The following PTPRQ variants were observed in gnomAD, a reference collection of about 807,000 sequenced individuals.
The protein encoded by PTPRQ is phosphatidylinositol phosphatase PTPRQ.
In PTPRQ, 199 loss-of-function variants were observed where a neutral mutation model predicts 246.0. The ratio of observed to expected loss-of-function variants is 0.81; its 90% CI spans 0.72 to 0.91. The LOEUF (loss-of-function observed/expected upper bound fraction) is 0.91. Among genes scored for constraint, PTPRQ ranks in the 40% least tolerant of loss-of-function variants. The probability of loss-of-function intolerance (pLI) is 0.00; values close to 1 mark genes in which losing one functional copy is unlikely to be tolerated. For synonymous variants in PTPRQ, 869 were observed against 853.2 expected (o/e 1.02, Z -0.32); for missense variants, 2,624 against 2,528.4 (o/e 1.04, Z -0.81).
chr12:80,522,899 T>C (rs1292805561), intron 17 of PTPRQ, among the ~76,000 whole-genome samples: 8 of 152,118 alleles, frequency 5.3e-5, no homozygotes, highest in Admixed American at 3.9e-4. Context: ...GGGAGGATTC[T>C]CTCTTTTTCT....
chr12:80,488,049 G>C (rs1287748634), intron 9 of PTPRQ, among the ~76,000 whole-genome samples: 1 of 151,210 alleles, frequency 6.6e-6, no homozygotes, highest in Non-Finnish European at 1.5e-5. Context: ...GAGGGCCCTG[G>C]ATTCTTGCTG....
intron 17 of PTPRQ, among the ~76,000 whole-genome samples, chr12:80,514,465 T>G (rs1018576128): frequency 6.8e-6 from 1 of 148,142 alleles, no homozygotes; most frequent in Non-Finnish European, 1.5e-5. Flanking sequence ...AAAGAGACTA[T>G]TACCTGGCAC....
intron 17 of PTPRQ, among the ~76,000 whole-genome samples, chr12:80,525,191 G>A (rs147225239): frequency 6.6e-6 from 1 of 152,268 alleles, no homozygotes; most frequent in African/African-American, 2.4e-5. Flanking sequence ...AAGTGATGAA[G>A]ATGGTGGAAA....
intron 39 of PTPRQ, among the ~76,000 whole-genome samples, chr12:80,661,356 G>T (rs563992446): frequency 1.2e-4 from 18 of 148,818 alleles, no homozygotes; most frequent in African/African-American, 3.7e-4. Flanking sequence ...TATGTATCTA[G>T]ATATGTATAT....
At chr12:80,584,963 T>C (rs1565801663) in intron 25 of PTPRQ, among the ~76,000 whole-genome samples, 1 of 151,676 alleles carries the variant, frequency 6.6e-6, no homozygotes, top group Non-Finnish European at 1.5e-5. Flanking sequence ...GTGTTGTAAA[T>C]AGTGTGCCAG....
intron 35 of PTPRQ, among the ~76,000 whole-genome samples, chr12:80,641,042 C>T (rs1396945627): frequency 2.0e-5 from 3 of 152,142 alleles, no homozygotes; most frequent in Admixed American, 6.5e-5. Context: ...GATGGTTAAC[C>T]TGTAAGGACC....
chr12:80,582,823 C>G (rs181402486), intron 25 of PTPRQ, among the ~76,000 whole-genome samples: 48 of 152,188 alleles, frequency 3.2e-4, no homozygotes, highest in Non-Finnish European at 4.6e-4. Context: ...AGGCTGCACT[C>G]CAGCCTGTGC....
intron 33 of PTPRQ, among the ~76,000 whole-genome samples, chr12:80,627,144 T>G (rs369173725): frequency 8.5e-5 from 13 of 152,058 alleles, no homozygotes; most frequent in Non-Finnish European, 1.5e-4. Flanking sequence ...GTGCAATTAT[T>G]GAATCAAGTT....
At chr12:80,445,445 G>A in intron 2 of PTPRQ, 46 bp from the exon 3 acceptor site, 1 of 1,187,576 alleles carries the variant, frequency 8.4e-7, no homozygotes, top group Non-Finnish European at 1.2e-6. Flanking sequence ...TTGTGAAAAT[G>A]CAATAATTAT....
chr12:80,472,890 T>C (rs1893685938), intron 8 of PTPRQ, among the ~76,000 whole-genome samples: 1 of 152,196 alleles, frequency 6.6e-6, no homozygotes, highest in Non-Finnish European at 1.5e-5. Context: ...TCTTAATTTC[T>C]ATTTAGGGAT....
At chr12:80,523,768 G>T (rs1184121758) in intron 17 of PTPRQ, among the ~76,000 whole-genome samples, 2 of 152,218 alleles carry the variant, frequency 1.3e-5, no homozygotes, top group Non-Finnish European at 2.9e-5. Context: ...ATTTGCTGAG[G>T]AGTGCTTTAC....
At chr12:80,631,713 A>C (rs1263195308) in intron 33 of PTPRQ, among the ~76,000 whole-genome samples, 1 of 152,230 alleles carries the variant, frequency 6.6e-6, no homozygotes, top group Non-Finnish European at 1.5e-5. Flanking sequence ...TCTATGAAAG[A>C]GAGTCAAAGA....
At chr12:80,496,567 A>G (rs1487807440) in intron 14 of PTPRQ, 36 bp downstream of exon 14, 1 of 1,526,314 alleles carries the variant, frequency 6.6e-7, no homozygotes, top group Admixed American at 2.3e-5. Context: ...TTAATAATAC[A>G]CAGTGATATA....
intron 25 of PTPRQ, among the ~76,000 whole-genome samples, chr12:80,584,565 C>G (rs1897547887): frequency 6.6e-6 from 1 of 152,104 alleles, no homozygotes. Flanking sequence ...TCCTCTGACA[C>G]AGTAAGTCCC....
intron 6 of PTPRQ, chr12:80,462,072 T>A (rs189523847): frequency 2.9e-6 from 2 of 686,850 alleles, no homozygotes; most frequent in Non-Finnish European, 5.3e-6. Flanking sequence ...ATTGCCTCAC[T>A]TGGGGAGCAC....
intron 26 of PTPRQ, 111 bp downstream of exon 26, chr12:80,588,563 T>C: frequency 8.5e-7 from 1 of 1,175,510 alleles, no homozygotes; most frequent in Middle Eastern, 2.1e-4. Flanking sequence ...AACATAGAAA[T>C]AACTGAGGAC....
At chr12:80,668,826 T>C (rs1900871114) in intron 39 of PTPRQ, among the ~76,000 whole-genome samples, 181 bp from the exon 40 acceptor site, 4 of 151,862 alleles carry the variant, frequency 2.6e-5, no homozygotes, top group Non-Finnish European at 1.5e-5. Flanking sequence ...GTGTAGTATA[T>C]CAGATTGTGA....
intron 9 of PTPRQ, among the ~76,000 whole-genome samples, chr12:80,489,159 C>A (rs568821939): frequency 3.3e-5 from 5 of 152,000 alleles, no homozygotes; most frequent in Non-Finnish European, 7.4e-5. Context: ...GAATAAGAAA[C>A]TACGGTGTTC....
At chr12:80,583,183 T>A (rs1399002802) in intron 25 of PTPRQ, among the ~76,000 whole-genome samples, 1 of 152,226 alleles carries the variant, frequency 6.6e-6, no homozygotes, top group African/African-American at 2.4e-5. Context: ...TCCCCTGTTA[T>A]ACCCTCGATT....
Sources: gnomAD v4.1 joint callset for allele counts (sites outside exome capture counted in the v4.1 genomes callset) on GRCh38, gnomAD v4.1.1 for gene constraint, MANE v1.5 for transcripts, NCBI Gene and HGNC (gene_info 2026-07-23, HGNC 2026-07-21) for gene names.